The following STAB2 variants were observed in gnomAD, a reference collection of about 807,000 sequenced individuals.
STAB2 encodes stabilin 2.
A neutral mutation model predicts 338.1 loss-of-function variants in STAB2; 288 were observed. The ratio of observed to expected loss-of-function variants is 0.85; its 90% confidence interval spans 0.77 to 0.94. The LOEUF (loss-of-function observed/expected upper bound fraction) is 0.94. STAB2 is among the 40% of genes least tolerant of loss of function. The pLI, the probability that STAB2 is intolerant of heterozygous loss-of-function variation, is 0.00. For synonymous variants in STAB2, 1,202 were observed against 1,193.3 expected (o/e 1.01, Z -0.15); for missense variants, 3,141 against 3,210.1 (o/e 0.98, Z 0.52).
chr12:103,735,994 T>C (rs1030943265), intron 52 of STAB2, among the ~76,000 whole-genome samples: 1 of 152,218 alleles, frequency 6.6e-6, no homozygotes, highest in African/African-American at 2.4e-5. Flanking sequence ...GGGCTATACT[T>C]ACCTAGATCA....
chr12:103,705,305 T>C (rs1291472280), intron 36 of STAB2, among the ~76,000 whole-genome samples: 1 of 152,222 alleles, frequency 6.6e-6, no homozygotes, highest in Non-Finnish European at 1.5e-5. Context: ...CAAAGTTCAG[T>C]TGAGTCAATG....
Position 103,622,112 on chromosome 12 carries a change from G to A in STAB2, c.487+1G>A, listed in dbSNP as rs779090871. The stretch of plus-strand genomic sequence containing the variant: ...TTATTTGGACCCAGCTGTTCATCAG[G>A]TATGTCTGATTTTTGTGTAATCACC... On this transcript the variant is annotated splice_donor_variant, in intron 5 of 68. Coordinates refer to ENST00000388887, the MANE Select transcript of STAB2 (RefSeq NM_017564.10). LOFTEE classifies it high-confidence loss of function. 1 of 1,614,150 alleles carries A rather than the reference G, an allele frequency of 6.2e-7. No individual in the cohort carries two copies. Among genetic ancestry groups the A allele is most frequent in the South Asian group, 1.1e-5 (1 of 91,082 alleles).
intron 9 of STAB2, among the ~76,000 whole-genome samples, chr12:103,640,797 A>G (rs2138695845): frequency 6.6e-6 from 1 of 152,364 alleles, no homozygotes; most frequent in Middle Eastern, 3.4e-3. Flanking sequence ...CTAAAGATCT[A>G]GGTTTAAGTC....
intron 21 of STAB2, among the ~76,000 whole-genome samples, chr12:103,669,851 G>C (rs936286679): frequency 1.3e-5 from 2 of 152,136 alleles, no homozygotes; most frequent in Non-Finnish European, 2.9e-5. Context: ...TCTCTATTGC[G>C]GGCTGCAGGA....
chr12:103,729,368 T>A (rs897753573), intron 48 of STAB2, among the ~76,000 whole-genome samples: 1 of 152,178 alleles, frequency 6.6e-6, no homozygotes, highest in Admixed American at 6.5e-5. Context: ...GCTTTTTTTT[T>A]AAACAAAGTA....
rs150613004 is a variant in STAB2 at position 103,749,085 on chromosome 12, G to T, written c.6367G>T (p.Glu2123Ter). ...GYKGDGHSCTEIDPCADGLNG... is the reference protein window; with the variant it reads ...GYKGDGHSCT ...CAAAGGGGACGGGCACAGCTGCACAGAGATAGACCCCTGTGCAGACGGCCT... is the reference window on the plus strand; with the variant it reads ...CAAAGGGGACGGGCACAGCTGCACATAGATAGACCCCTGTGCAGACGGCCT... Residue 2123 changes from glutamate (E) to a stop codon, truncating the protein, a stop_gained, in exon 59 of 69, where the codon GAG (glutamate) becomes TAG (stop). Transcript: ENST00000388887. LOFTEE classifies it high-confidence loss of function. 9 of 1,614,016 alleles carry T rather than the reference G, an allele frequency of 5.6e-6. No homozygotes were observed. Among genetic ancestry groups the T allele is most frequent in the Non-Finnish European group, 7.6e-6 (9 of 1,180,034 alleles).
intron 8 of STAB2, among the ~76,000 whole-genome samples, chr12:103,639,103 C>T (rs1957598584): frequency 6.6e-6 from 1 of 152,128 alleles, no homozygotes. Context: ...TTCCCATCTG[C>T]AAAATGAGGG....
chr12:103,685,528 A>G (rs35682809), intron 27 of STAB2, among the ~76,000 whole-genome samples: 24,520 of 151,722 alleles, frequency 0.16, 2,184 homozygotes, highest in East Asian at 0.28. Context: ...CGTCTTGCTC[A>G]GTCCTTACCA....
At chr12:103,669,852 G>A (rs1875575497) in intron 21 of STAB2, among the ~76,000 whole-genome samples, 1 of 152,138 alleles carries the variant, frequency 6.6e-6, no homozygotes, top group Admixed American at 6.5e-5. Context: ...CTCTATTGCG[G>A]GCTGCAGGAC....
rs1875525628 is a variant in STAB2 at position 103,669,533 on chromosome 12, T to C, written c.2173-8T>C. On this transcript the variant is annotated splice_region_variant and splice_polypyrimidine_tract_variant and intron_variant, in intron 20 of 68. Coordinates refer to ENST00000388887, the MANE Select transcript of STAB2 (RefSeq NM_017564.10). ...GGTTCAAAGGGGAACACGCATTTTG[T>C]TTTTCAGATTCCAAAGTGCTGCAAA... 4 of 1,613,772 alleles carry C rather than the reference T, an allele frequency of 2.5e-6. No homozygotes were observed. Among genetic ancestry groups the C allele is most frequent in the Non-Finnish European group, 3.4e-6 (4 of 1,179,706 alleles).
intron 59 of STAB2, among the ~76,000 whole-genome samples, chr12:103,749,675 CAAA>C (rs34098671): frequency 7.6e-6 from 1 of 131,736 alleles, no homozygotes. Flanking sequence ...TAAAAAAATG[CAAA>C]AAAAAAAAAA....
chr12:103,680,664 G>T (rs1303830699), intron 25 of STAB2, among the ~76,000 whole-genome samples: 1 of 152,148 alleles, frequency 6.6e-6, no homozygotes, highest in Non-Finnish European at 1.5e-5. Flanking sequence ...CAGAAATCAG[G>T]CTGGGGAGGC....
At position 103,637,185 on chromosome 12, in the gene STAB2, C is replaced by A; in HGVS notation, c.658C>A (p.Leu220Met). ...GCCTTCCACTGAAGATGAAAACAAA[C>A]TGGAATGCAAATGCCTTCCCAATTA... ...CSPSTEDENK[L>M]ECKCLPNYRG... Residue 220 changes from leucine to methionine, a missense_variant, in exon 7 of 69, where the codon CTG becomes ATG. Transcript: ENST00000388887. The A allele has an allele frequency of 1.2e-6, 2 of 1,613,116 alleles. No individual in the cohort carries two copies. The highest frequency in any genetic ancestry group is 1.7e-6 in the Non-Finnish European group (2 of 1,179,722).
In STAB2 at chr12:103,766,634, T is replaced by TAAGC. The variant is rs1884985472; in HGVS notation, c.*299_*302dup. On this transcript the variant is annotated 3_prime_UTR_variant, in exon 69 of 69. Transcript: ENST00000388887. ...GTGATCTTTCTTCCCTGTTAGATTG[T>TAAGC]AAGCCTCCGTCTTTGTATCCCAGCC... The TAAGC allele has an allele frequency of 2.9e-6, 1 of 342,844 alleles. No individual in the cohort carries two copies. The highest frequency in any genetic ancestry group is 3.7e-5 in the South Asian group (1 of 26,956). 21.2% of individuals were successfully genotyped at this position (342,844 alleles called of 1,614,324 possible). A position where few individuals can be genotyped will look rare whatever the true frequency, so the allele number is the denominator to read the frequency against.
At chr12:103,596,180 G>A (rs1263529475) in intron 3 of STAB2, among the ~76,000 whole-genome samples, 2 of 152,210 alleles carry the variant, frequency 1.3e-5, no homozygotes, top group African/African-American at 4.8e-5. Flanking sequence ...ATGTGGTCAT[G>A]ATCATGTCTA....
At chr12:103,684,837 C>T in intron 26 of STAB2, 152 bp from the exon 27 acceptor site, 1 of 554,606 alleles carries the variant, frequency 1.8e-6, no homozygotes, top group Admixed American at 3.2e-5. Flanking sequence ...GAGACTTTCA[C>T]TGCAACACTA....
chr12:103,614,698 G>A (rs1957182457), intron 3 of STAB2, among the ~76,000 whole-genome samples: 1 of 152,174 alleles, frequency 6.6e-6, no homozygotes, highest in African/African-American at 2.4e-5. Flanking sequence ...CTAGTGTCCA[G>A]CTGATACACC....
chr12:103,755,481 C>A lies in STAB2; in HGVS notation c.6880+14C>A. ...ATCGGATGAAAGGTAACCGCCCCAG[C>A]TACACTTCAGGTTCTGGGCCACACA... On this transcript the variant is annotated intron_variant, in intron 62 of 68. Coordinates refer to ENST00000388887, the MANE Select transcript of STAB2 (RefSeq NM_017564.10). 1 of 1,612,700 alleles carries A rather than the reference C, an allele frequency of 6.2e-7. No homozygotes were observed. The highest frequency in any genetic ancestry group is 8.5e-7 in the Non-Finnish European group (1 of 1,178,982).
rs150301267 is a variant in STAB2 at position 103,750,648 on chromosome 12, C to T, written c.6508C>T (p.Pro2170Ser). ...DGLNCEPEQL[P>S]IDRCLQDNGQ... is the part of the protein sequence containing the mutation. ...GCTGAACTGTGAGCCGGAGCAGCTG[C>T]CCATTGACCGCTGCTTACAGGACAA... is the stretch of plus-strand genomic sequence containing the variant. The change falls in exon 60 of 69, where the codon CCC (proline) becomes TCC (serine). Residue 2170 changes from proline to serine, a missense_variant. Coordinates refer to ENST00000388887, the MANE Select transcript of STAB2 (RefSeq NM_017564.10). 7,433 of 1,614,242 alleles carry T rather than the reference C, an allele frequency of 4.6e-3. 66 individuals are homozygous for T. The highest frequency in any genetic ancestry group is 0.035 in the Admixed American group (2,100 of 60,034).
Sources: gnomAD v4.1 joint callset for allele counts (sites outside exome capture counted in the v4.1 genomes callset) on GRCh38, gnomAD v4.1.1 for gene constraint, MANE v1.5 for transcripts, NCBI Gene and HGNC (gene_info 2026-07-23, HGNC 2026-07-21) for gene names.